Variants in PTBP1 observed in about 807,000 individuals in gnomAD.
PTBP1 encodes the protein polypyrimidine tract binding protein 1.
PTBP1 carries 8 observed loss-of-function variants against 59.8 expected under a neutral mutation model. The observed-to-expected ratio is 0.13, with a 90% CI of 0.08 to 0.24. PTBP1 has a LOEUF of 0.24. Ranked by LOEUF, PTBP1 falls within the 10% of genes least tolerant of loss-of-function variation. The probability of loss-of-function intolerance (pLI) is 1.00; values close to 1 mark genes in which losing one functional copy is unlikely to be tolerated. For synonymous variants in PTBP1, 490 were observed against 320.7 expected, an observed-to-expected ratio of 1.53 and a Z score of -5.64; for missense variants, 686 against 767.0, an observed-to-expected ratio of 0.89 and a Z score of 1.25.
At chr19:803,258 C>T (rs1383829154) in intron 2 of PTBP1, among the ~76,000 whole-genome samples, 1 of 152,264 alleles carries the variant, frequency 6.6e-6, no homozygotes, top group South Asian at 2.1e-4. Context: ...CAGAGTTGGC[C>T]GTGGAGATAG....
At position 807,855 on chromosome 19, in the gene PTBP1, T is replaced by C. The variant is rs1158510988; in HGVS notation, c.1120-14T>C. ...CCCCTGTCCCTCCGCTGCCTTGCTC[T>C]GCTGTCTCTAAAGAGAGTCACACCC... On this transcript the variant is annotated splice_polypyrimidine_tract_variant and intron_variant, in intron 10 of 14. Coordinates refer to ENST00000356948, the MANE Select transcript of PTBP1 (RefSeq NM_002819.5). 1 of 1,613,222 alleles carries C rather than the reference T, an allele frequency of 6.2e-7. No homozygotes were observed.
rs767336325 is a variant in PTBP1 at position 799,564 on chromosome 19, C to T, written c.39+121C>T. Reference sequence around the variant, plus strand: ...GCTTTTCCATTCCTAAGGGGCACTACCCTTGGTCTGGAATCTGGAGTTGGG... The same window carrying T: ...GCTTTTCCATTCCTAAGGGGCACTATCCTTGGTCTGGAATCTGGAGTTGGG... On this transcript the variant is annotated intron_variant, in intron 2 of 14. Coordinates refer to ENST00000356948, the MANE Select transcript of PTBP1 (RefSeq NM_002819.5). The T allele has an allele frequency of 1.4e-4, 140 of 980,754 alleles. 1 individual carries two copies. Among genetic ancestry groups the T allele is most frequent in the Middle Eastern group, 2.3e-4 (1 of 4,416 alleles). 60.8% of individuals were successfully genotyped at this position (980,754 alleles called of 1,614,324 possible).
rs772012513 is a variant in PTBP1 at position 797,531 on chromosome 19, C to CACCGCCCT, written c.8+27_8+34dup. On this transcript the variant is annotated intron_variant, in intron 1 of 14. Transcript: ENST00000356948. ...GTGAGTCGCACGTCGCCCCGCGCCC[C>CACCGCCCT]ACCGCCCTCCCCGCGCCGCAGCCCT... 5 of 1,489,914 alleles carry CACCGCCCT rather than the reference C, an allele frequency of 3.4e-6. No homozygotes were observed. In the South Asian group the frequency reaches 5.0e-5, roughly 15 times the overall value. 92.3% of individuals were successfully genotyped at this position (1,489,914 alleles called of 1,614,324 possible).
chr19:805,239 G>C (rs556858182), intron 8 of PTBP1, 52 bp downstream of exon 8: 4 of 1,588,542 alleles, frequency 2.5e-6, no homozygotes, highest in African/African-American at 1.3e-5. Flanking sequence ...TATTAGGGCC[G>C]CTCAGTCCGG....
chr19:798,659 TC>T (rs2034189362), intron 1 of PTBP1: 1 of 152,218 alleles, frequency 6.6e-6, no homozygotes, highest in African/African-American at 2.4e-5. Context: ...AGGCTGCCCT[TC>T]CGACGGACGC....
intron 8 of PTBP1, 114 bp from the exon 9 acceptor site, chr19:805,378 C>A: frequency 1.6e-6 from 2 of 1,235,612 alleles, no homozygotes; most frequent in Non-Finnish European, 2.3e-6. Context: ...CGGATCTGCC[C>A]GCGAAGGCTC....
intron 7 of PTBP1, 30 bp from the exon 8 acceptor site, chr19:804,983 G>T (rs745449480): frequency 3.1e-6 from 5 of 1,612,014 alleles, no homozygotes; most frequent in East Asian, 2.2e-5. Context: ...GCCCTGGCCC[G>T]GCGACGTCTC....
rs1317443799 is a variant in PTBP1 at position 804,615 on chromosome 19, A to C, written c.519A>C (p.Ala173=). 1 of 1,612,450 alleles carries C rather than the reference A, an allele frequency of 6.2e-7. No homozygotes were observed. Residue 173 remains alanine (A), a synonymous_variant, in exon 6 of 15, where the codon GCA becomes GCC. Coordinates refer to ENST00000356948, the MANE Select transcript of PTBP1 (RefSeq NM_002819.5). Reference sequence around the variant, plus strand: ...CTGCCTCGGCGGCGGCCGTGGACGCAGGGATGGCGATGGCCGGGCAGAGCC... The same window carrying C: ...CTGCCTCGGCGGCGGCCGTGGACGCCGGGATGGCGATGGCCGGGCAGAGCC... ...ALAASAAAVD[A]GMAMAGQSPV...
rs199877458 is a variant in PTBP1 at position 806,416 on chromosome 19, G to C, written c.979G>C (p.Val327Leu). 13 of 1,602,004 alleles carry C rather than the reference G, an allele frequency of 8.1e-6. No homozygotes were observed. Among genetic ancestry groups the C allele is most frequent in the Non-Finnish European group, 1.0e-5 (12 of 1,174,836 alleles). Reference protein sequence around the residue: ...FAIPQAAGLSVPNVHGALAPL... With the variant: ...FAIPQAAGLSLPNVHGALAPL... ...ACCTCCTGCTTTTCCAGGCCTTTCC[G>C]TTCCGAACGTCCACGGCGCCCTGGC... The change falls in exon 10 of 15, where the codon GTT becomes CTT. Residue 327 changes from valine to leucine, a missense_variant. By Grantham distance (32) the Val-to-Leu change is conservative. Transcript: ENST00000356948.
chr19:805,290 C>G, intron 8 of PTBP1, 103 bp downstream of exon 8: 2 of 1,365,472 alleles, frequency 1.5e-6, no homozygotes, highest in Non-Finnish European at 2.0e-6. Context: ...CAGGGTGATG[C>G]ACCTGCTGCT....
chr19:811,531 T>G lies in PTBP1; in HGVS notation c.*705T>G, dbSNP rs568410045. 1.3e-5 allele frequency: 2 copies of G among 152,504 alleles called. No homozygotes were observed. The highest frequency in any genetic ancestry group is 1.3e-4 in the Admixed American group (2 of 15,292). The allele number at this position is 152,504 out of a possible 1,614,324, so 9.4% of individuals were successfully genotyped here. On this transcript the variant is annotated 3_prime_UTR_variant, in exon 15 of 15. Coordinates refer to ENST00000356948, the MANE Select transcript of PTBP1 (RefSeq NM_002819.5). Reference sequence around the variant, plus strand: ...TCATTTATATGCAAAAGAAATAGTTTTAAGTAACTTTTTATAGCAAGATGA... The same window carrying G: ...TCATTTATATGCAAAAGAAATAGTTGTAAGTAACTTTTTATAGCAAGATGA...
rs2034799558 is a variant in PTBP1, at chr19:810,344, CA to C, written c.1464-196del. On this transcript the variant is annotated intron_variant, in intron 13 of 14. Transcript: ENST00000356948. ...GGAGGAGCGTGGTACTCTGTTTCTG[CA>C]AACTTGTAGATGCCTGGTTTCGTTA... 2.6e-5 allele frequency among the ~76,000 whole-genome samples: 4 copies of C among 152,064 alleles called. No homozygotes were observed. In the South Asian group the frequency reaches 8.3e-4, roughly 31 times the overall value.
At chr19:801,054 G>A (rs900391603) in intron 2 of PTBP1, among the ~76,000 whole-genome samples, 1 of 151,316 alleles carries the variant, frequency 6.6e-6, no homozygotes, top group African/African-American at 2.4e-5. Context: ...GCTGACCTGG[G>A]CCCACACCTG....
At position 811,102 on chromosome 19, in the gene PTBP1, G is replaced by C. The variant is rs1220899521; in HGVS notation, c.*276G>C. On this transcript the variant is annotated 3_prime_UTR_variant, in exon 15 of 15. Coordinates refer to ENST00000356948, the MANE Select transcript of PTBP1 (RefSeq NM_002819.5). The stretch of plus-strand genomic sequence containing the variant: ...TCGGGGCCATGCCTTGGTGGGGCCT[G>C]TGTCGGGCGTGGGGCCTGCAGGTGG... 4.4e-5 allele frequency: 15 copies of C among 343,212 alleles called. No individual in the cohort carries two copies. Among genetic ancestry groups the C allele is most frequent in the Admixed American group, 5.0e-5 (1 of 19,926 alleles). 21.3% of individuals were successfully genotyped at this position (343,212 alleles called of 1,614,324 possible). A position where few individuals can be genotyped will look rare whatever the true frequency, so the allele number is the denominator to read the frequency against.
In PTBP1 at chr19:806,458, TCGGCGGCGGCGGCAG is replaced by T. The variant is rs767935276; in HGVS notation, c.1023_1037del (p.Ala345_Ala349del). On this transcript the variant is annotated inframe_deletion, in exon 10 of 15. Transcript: ENST00000356948. ...CGCCCTGGCCCCCCTGGCCATCCCCTCGGCGGCGGCGGCAGCTGCGGCGGCAGGTCGGATCGCCAT... is the reference window on the plus strand; with the variant it reads ...CGCCCTGGCCCCCCTGGCCATCCCCTCTGCGGCGGCAGGTCGGATCGCCAT... The T allele has an allele frequency of 6.3e-7, 1 of 1,598,070 alleles. No individual in the cohort carries two copies. The highest frequency in any genetic ancestry group is 1.1e-5 in the South Asian group (1 of 90,308).
rs780844569 is a variant in PTBP1, at chr19:806,517, A to G, written c.1080A>G (p.Ala360=). 5 of 1,564,956 alleles carry G rather than the reference A, an allele frequency of 3.2e-6. No homozygotes were observed. The highest frequency in any genetic ancestry group is 2.4e-5 in the East Asian group (1 of 41,206). Residue 360 remains alanine, a synonymous_variant, in exon 10 of 15, where the codon GCA becomes GCG. Transcript: ENST00000356948. ...GRIAIPGLAG[A]GNSVLLVSNL... ...TCGCCATCCCGGGCCTGGCGGGGGC[A>G]GGAAATTCTGTATTGCTGGTCAGCA...
rs2034897228 is a variant in PTBP1, at chr19:811,921, C to G, written c.*1095C>G. On this transcript the variant is annotated 3_prime_UTR_variant, in exon 15 of 15. Transcript: ENST00000356948. ...GCTGGGACCCGGAAGGCGGGCGCTCCTCCTGTCTTCTCTGTGCTCTTTCTA... is the reference window on the plus strand; with the variant it reads ...GCTGGGACCCGGAAGGCGGGCGCTCGTCCTGTCTTCTCTGTGCTCTTTCTA... The G allele has an allele frequency of 1.4e-5, 1 of 72,988 alleles. No homozygotes were observed. Among genetic ancestry groups the G allele is most frequent in the Admixed American group, 1.5e-4 (1 of 6,490 alleles). The allele number at this position is 72,988 out of a possible 1,614,324, so 4.5% of individuals were successfully genotyped here.
At position 801,462 on chromosome 19, in the gene PTBP1, A is replaced by AGGCG. The variant is rs2034330321; in HGVS notation, c.39+2021_39+2024dup. Among the ~76,000 whole-genome samples the AGGCG allele has an allele frequency of 2.0e-5, 3 of 152,268 alleles. No homozygotes were observed. In the South Asian group the frequency reaches 6.2e-4, roughly 31 times the overall value. On this transcript the variant is annotated intron_variant, in intron 2 of 14. Coordinates refer to ENST00000356948, the MANE Select transcript of PTBP1 (RefSeq NM_002819.5). ...TGGGAATGAGATTAGGGCTTCAGGCAGGCGGCCAAGAGGACCGCTCAGAGG... is the reference window on the plus strand; with the variant it reads ...TGGGAATGAGATTAGGGCTTCAGGCAGGCGGGCGGCCAAGAGGACCGCTCAGAGG...
In PTBP1 at chr19:804,813, G is replaced by C; in HGVS notation, c.607-16G>C. On this transcript the variant is annotated splice_polypyrimidine_tract_variant and intron_variant, in intron 6 of 14. Transcript: ENST00000356948. ...GGCACCGGGCAGGAGCTCATGCTGT[G>C]GCCCGGGACCTGCAGATTTTCTCCA... 6.2e-7 allele frequency: 1 copy of C among 1,610,752 alleles called. No homozygotes were observed. Among genetic ancestry groups the C allele is most frequent in the Non-Finnish European group, 8.5e-7 (1 of 1,176,970 alleles).
Sources: gnomAD v4.1 joint callset for allele counts (sites outside exome capture counted in the v4.1 genomes callset) on GRCh38, gnomAD v4.1.1 for gene constraint, MANE v1.5 for transcripts, NCBI Gene and HGNC (gene_info 2026-07-23, HGNC 2026-07-21) for gene names.